Variants in NSUN3 observed in about 807,000 individuals in gnomAD.
NSUN3 encodes tRNA (cytosine(34)-C(5))-methyltransferase, mitochondrial.
NSUN3 carries 24 observed loss-of-function variants against 36.8 expected under a neutral mutation model. That is an observed-to-expected ratio of 0.65 (90% confidence interval 0.47 to 0.92). The LOEUF (loss-of-function observed/expected upper bound fraction) is 0.92. NSUN3 is among the 40% of genes least tolerant of loss of function. The pLI is 0.00. For missense variants in NSUN3, 381 were observed against 392.8 expected (o/e 0.97, Z 0.25); for synonymous variants, 146 against 145.2 (o/e 1.01, Z -0.04).
intron 5 of NSUN3, among the ~76,000 whole-genome samples, chr3:94,116,124 C>T (rs1414588595): frequency 6.6e-6 from 1 of 151,624 alleles, no homozygotes; most frequent in East Asian, 1.9e-4. Context: ...TTTTATTTTC[C>T]TTTCTTACTA....
chr3:94,127,473 C>G lies in NSUN3; in HGVS notation c.*983C>G, dbSNP rs1415379048. On this transcript the variant is annotated 3_prime_UTR_variant, in exon 6 of 6. Coordinates refer to ENST00000314622, the MANE Select transcript of NSUN3 (RefSeq NM_022072.5). ...GAGTGGACTGTGTGATTACCAGAAC[C>G]CAGTGCCATTTACTAAGTGGCTCTC... The G allele has an allele frequency of 6.6e-6, 1 of 152,098 alleles. No homozygotes were observed. Among genetic ancestry groups the G allele is most frequent in the African/African-American group, 2.4e-5 (1 of 41,420 alleles). 9.4% of individuals were successfully genotyped at this position (152,098 alleles called of 1,614,324 possible).
At chr3:94,105,298 A>G (rs2077384333) in intron 5 of NSUN3, among the ~76,000 whole-genome samples, 1 of 152,170 alleles carries the variant, frequency 6.6e-6, no homozygotes, top group Non-Finnish European at 1.5e-5. Context: ...ACCACGATCC[A>G]GCCTATCCGT....
intron 5 of NSUN3, among the ~76,000 whole-genome samples, chr3:94,114,463 G>A (rs568684561): frequency 1.3e-5 from 2 of 152,150 alleles, no homozygotes; most frequent in South Asian, 4.1e-4. Flanking sequence ...AGAGCACCAA[G>A]TAAACATAAG....
chr3:94,102,413 G>A (rs2077369857), intron 5 of NSUN3, among the ~76,000 whole-genome samples: 3 of 151,976 alleles, frequency 2.0e-5, no homozygotes, highest in Admixed American at 2.0e-4. Context: ...CTATGTATAT[G>A]TTTTCTTTTT....
chr3:94,076,765 A>T, intron 2 of NSUN3: 1 of 1,506,036 alleles, frequency 6.6e-7, no homozygotes, highest in Non-Finnish European at 9.2e-7. Flanking sequence ...TAATACAAGG[A>T]TTCTGGGGCA....
Position 94,084,398 on chromosome 3 carries a change from C to T in NSUN3, c.414C>T (p.Leu138=), listed in dbSNP as rs1430532517. The T allele has an allele frequency of 1.2e-6, 2 of 1,614,142 alleles. No homozygotes were observed. The highest frequency in any genetic ancestry group is 2.2e-5 in the East Asian group (1 of 44,878). Residue 138 remains leucine (L), a synonymous_variant, in exon 3 of 6, where the codon CTC becomes CTT. Transcript: ENST00000314622. ...ELRDGEKVLD[L]CAAPGGKSIA... ...GGGATGGGGAGAAGGTTCTGGATCT[C>T]TGTGCTGCTCCTGGAGGGAAATCAA... is the stretch of plus-strand genomic sequence containing the variant.
At chr3:94,091,024 A>C (rs553365679) in intron 3 of NSUN3, among the ~76,000 whole-genome samples, 113 of 152,282 alleles carry the variant, frequency 7.4e-4, no homozygotes, top group African/African-American at 2.7e-3. Context: ...GTTCCTCTCA[A>C]TATTATAATT....
At chr3:94,075,872 A>C in intron 2 of NSUN3, 1 of 1,221,534 alleles carries the variant, frequency 8.2e-7, no homozygotes, top group Non-Finnish European at 1.2e-6. Context: ...AGAAGAAAAA[A>C]AGGGGAGTCT....
At chr3:94,078,787 C>A (rs1395764504) in intron 2 of NSUN3, among the ~76,000 whole-genome samples, 1 of 152,084 alleles carries the variant, frequency 6.6e-6, no homozygotes, top group Non-Finnish European at 1.5e-5. Context: ...ATTTGCTTGG[C>A]AAATATTCCT....
chr3:94,127,822 T>C lies in NSUN3; in HGVS notation c.*1332T>C, dbSNP rs1158715594. 1 of 152,216 alleles carries C rather than the reference T, an allele frequency of 6.6e-6. No homozygotes were observed. Among genetic ancestry groups the C allele is most frequent in the Non-Finnish European group, 1.5e-5 (1 of 68,034 alleles). 9.4% of individuals were successfully genotyped at this position (152,216 alleles called of 1,614,324 possible). A position where few individuals can be genotyped will look rare whatever the true frequency, so the allele number is the denominator to read the frequency against. The stretch of plus-strand genomic sequence containing the variant: ...TAATATTTTTTGTTTTGCAAGCATA[T>C]GTAACCCGGTTTATATCATCAGGAA... On this transcript the variant is annotated 3_prime_UTR_variant, in exon 6 of 6. Coordinates refer to ENST00000314622, the MANE Select transcript of NSUN3 (RefSeq NM_022072.5).
At chr3:94,076,425 G>A (rs1206715614) in intron 2 of NSUN3, 4 of 795,864 alleles carry the variant, frequency 5.0e-6, no homozygotes, top group Admixed American at 3.4e-5. Flanking sequence ...CAAATCATAA[G>A]TTTCTGATGA....
At chr3:94,110,814 ATATGTGTG>A (rs2077413376) in intron 5 of NSUN3, among the ~76,000 whole-genome samples, 3 of 151,258 alleles carry the variant, frequency 2.0e-5, no homozygotes, top group African/African-American at 4.9e-5. Flanking sequence ...ATATATACAT[ATATGTGTG>A]TGTGTGTGTG....
chr3:94,102,996 C>T (rs1394681868), intron 5 of NSUN3, among the ~76,000 whole-genome samples: 1 of 152,112 alleles, frequency 6.6e-6, no homozygotes, highest in Non-Finnish European at 1.5e-5. Context: ...AAGCAATTCT[C>T]ATGCCTCAGC....
At chr3:94,095,286 C>A (rs770599252) in intron 5 of NSUN3, 132 bp downstream of exon 5, 45 of 843,806 alleles carry the variant, frequency 5.3e-5, no homozygotes, top group Non-Finnish European at 8.1e-5. Context: ...AGGCTACACT[C>A]AAAAAATTCC....
chr3:94,094,942 T>C (rs143724916), intron 4 of NSUN3, 91 bp from the exon 5 acceptor site: 1 of 1,284,332 alleles, frequency 7.8e-7, no homozygotes, highest in African/African-American at 1.5e-5. Flanking sequence ...TCCTATTTGT[T>C]TACCATGTTT....
chr3:94,091,829 A>G (rs1024985604), intron 3 of NSUN3, among the ~76,000 whole-genome samples: 45 of 152,214 alleles, frequency 3.0e-4, no homozygotes, highest in African/African-American at 1.0e-3. Flanking sequence ...TTTGGGGGTT[A>G]TCTTGTGGAC....
intron 5 of NSUN3, among the ~76,000 whole-genome samples, chr3:94,111,368 G>A (rs757042771): frequency 6.6e-6 from 1 of 151,936 alleles, no homozygotes; most frequent in Admixed American, 6.6e-5. Flanking sequence ...TGTACACTTA[G>A]GCTACACTAA....
At chr3:94,079,287 C>G (rs555539159) in intron 2 of NSUN3, among the ~76,000 whole-genome samples, 2 of 152,248 alleles carry the variant, frequency 1.3e-5, no homozygotes, top group South Asian at 4.1e-4. Context: ...CAATTTCTGC[C>G]GAGAGATCCA....
At chr3:94,074,037 C>A (rs2077236778) in intron 2 of NSUN3, among the ~76,000 whole-genome samples, 1 of 152,184 alleles carries the variant, frequency 6.6e-6, no homozygotes, top group Non-Finnish European at 1.5e-5. Context: ...GTTTTCCCAG[C>A]ACCATTTATT....
Sources: allele counts gnomAD v4.1 joint callset (sites outside exome capture counted in the v4.1 genomes callset), GRCh38; gene constraint gnomAD v4.1.1; transcripts MANE v1.5; gene names NCBI Gene and HGNC (gene_info 2026-07-23, HGNC 2026-07-21).